The following PACSIN2 variants were observed in gnomAD, a reference collection of about 807,000 sequenced individuals.
PACSIN2 encodes the protein protein kinase C and casein kinase substrate in neurons 2.
In PACSIN2, 25 loss-of-function variants were observed where a neutral mutation model predicts 63.8. The observed-to-expected ratio is 0.39, with a 90% CI of 0.29 to 0.55. The LOEUF (loss-of-function observed/expected upper bound fraction) is 0.55, where lower values mean the gene tolerates loss of function less well. Among genes scored for constraint, PACSIN2 ranks in the 20% least tolerant of loss-of-function variants. PACSIN2 has a pLI of 0.62. For synonymous variants in PACSIN2, 255 were observed against 256.2 expected, an observed-to-expected ratio of 1.00 and a Z score of 0.05; for missense variants, 518 against 646.9, an observed-to-expected ratio of 0.80 and a Z score of 2.16.
chr22:42,980,014 G>A (rs1052546817), intron 1 of PACSIN2, among the ~76,000 whole-genome samples: 3 of 151,516 alleles, frequency 2.0e-5, no homozygotes, highest in Non-Finnish European at 4.4e-5. Flanking sequence ...TGAAATAAGC[G>A]CATCATTGTT....
intron 1 of PACSIN2, among the ~76,000 whole-genome samples, chr22:43,000,543 G>GC (rs975143943): frequency 3.3e-5 from 5 of 152,166 alleles, no homozygotes; most frequent in African/African-American, 1.2e-4. Context: ...TCGTGAACCT[G>GC]CAAGTTCCTA....
rs554984150 is a variant in PACSIN2 at position 42,972,816 on chromosome 22, C to A, written c.-78+42205G>T. ...GGCTGAAGCCATGTTCCCGCCTCAGCCTCCTGTGTACCTGGATTACAGATG... is the reference window on the plus strand; with the variant it reads ...GGCTGAAGCCATGTTCCCGCCTCAGACTCCTGTGTACCTGGATTACAGATG... On this transcript the variant is annotated intron_variant, in intron 1 of 10. Coordinates refer to ENST00000263246, the MANE Select transcript of PACSIN2 (RefSeq NM_001184970.3). Among the ~76,000 whole-genome samples the A allele has an allele frequency of 3.9e-5, 6 of 152,312 alleles. No homozygotes were observed. In the East Asian group the frequency reaches 1.2e-3, roughly 29 times the overall value.
At chr22:42,936,843 G>T (rs777579128) in intron 1 of PACSIN2, among the ~76,000 whole-genome samples, 1 of 149,880 alleles carries the variant, frequency 6.7e-6, no homozygotes, top group African/African-American at 2.5e-5. Context: ...CCCGCGAGAC[G>T]GAGGTTGCAG....
At chr22:42,903,375 T>C (rs548514458) in intron 2 of PACSIN2, among the ~76,000 whole-genome samples, 23 of 152,334 alleles carry the variant, frequency 1.5e-4, no homozygotes, top group Non-Finnish European at 2.6e-4. Flanking sequence ...TGAATCTTCC[T>C]TTCCAAACGG....
intron 7 of PACSIN2, among the ~76,000 whole-genome samples, chr22:42,881,382 C>A (rs1393088189): frequency 2.0e-5 from 3 of 152,222 alleles, no homozygotes; most frequent in Non-Finnish European, 4.4e-5. Flanking sequence ...GTTTGCTCAG[C>A]TTCCCACAGG....
At chr22:42,998,420 A>G (rs1407900171) in intron 1 of PACSIN2, among the ~76,000 whole-genome samples, 1 of 152,202 alleles carries the variant, frequency 6.6e-6, no homozygotes, top group East Asian at 1.9e-4. Context: ...ACTCGCACAG[A>G]TGCCAGACAG....
intron 2 of PACSIN2, among the ~76,000 whole-genome samples, chr22:42,909,004 A>G (rs1459944100): frequency 1.3e-5 from 2 of 151,932 alleles, no homozygotes; most frequent in Non-Finnish European, 2.9e-5. Flanking sequence ...GGGTTGGGGG[A>G]ATGCAGGAGG....
intron 1 of PACSIN2, among the ~76,000 whole-genome samples, chr22:42,916,208 G>GCTCC (rs1931795582): frequency 6.6e-6 from 1 of 152,208 alleles, no homozygotes; most frequent in Non-Finnish European, 1.5e-5. Flanking sequence ...CTCAATGGGA[G>GCTCC]CATTGTTCTT....
At chr22:42,971,569 C>CA (rs1921272538) in intron 1 of PACSIN2, among the ~76,000 whole-genome samples, 1 of 152,088 alleles carries the variant, frequency 6.6e-6, no homozygotes, top group Non-Finnish European at 1.5e-5. Context: ...TGAGGAGCCC[C>CA]TCTGCCCGGC....
At position 42,901,159 on chromosome 22, in the gene PACSIN2, C is replaced by T. The variant is rs1930657673; in HGVS notation, c.61-7546G>A. On this transcript the variant is annotated intron_variant, in intron 2 of 10. Coordinates refer to ENST00000263246, the MANE Select transcript of PACSIN2 (RefSeq NM_001184970.3). The stretch of plus-strand genomic sequence containing the variant: ...GAAGGCCCAAGCACCACAACCGCTC[C>T]CTCTGCACCCTGGAGAGGAAGGGTC... 2.0e-5 allele frequency among the ~76,000 whole-genome samples: 3 copies of T among 152,292 alleles called. No individual in the cohort carries two copies. In the South Asian group the frequency reaches 6.2e-4, roughly 32 times the overall value.
intron 1 of PACSIN2, among the ~76,000 whole-genome samples, chr22:42,969,394 G>A (rs772359272): frequency 2.0e-5 from 3 of 152,080 alleles, no homozygotes; most frequent in Admixed American, 6.5e-5. Flanking sequence ...TTTTCTCCCT[G>A]AAAGATGTTA....
intron 1 of PACSIN2, among the ~76,000 whole-genome samples, chr22:42,976,253 C>G (rs1172423050): frequency 6.6e-6 from 1 of 152,242 alleles, no homozygotes; most frequent in African/African-American, 2.4e-5. Context: ...TGCCTCCAGG[C>G]TTATCACTTT....
At chr22:42,960,391 C>G (rs994562447) in intron 1 of PACSIN2, among the ~76,000 whole-genome samples, 28 of 152,168 alleles carry the variant, frequency 1.8e-4, no homozygotes, top group African/African-American at 6.8e-4. Context: ...AAGCCTCATG[C>G]AGGAGACAGG....
chr22:42,990,543 A>AG lies in PACSIN2; in HGVS notation c.-78+24477dup, dbSNP rs151081597. ...GCAGGCCCAGGGGCAAAACACCTGGAGGGAGGGGAAGGTGAAATTAGAGCC... is the reference window on the plus strand; with the variant it reads ...GCAGGCCCAGGGGCAAAACACCTGGAGGGGAGGGGAAGGTGAAATTAGAGCC... On this transcript the variant is annotated intron_variant, in intron 1 of 10. Coordinates refer to ENST00000263246, the MANE Select transcript of PACSIN2 (RefSeq NM_001184970.3). Among the ~76,000 whole-genome samples, 649 of 152,274 alleles carry AG rather than the reference A, an allele frequency of 4.3e-3. 3 individuals are homozygous for AG. Among genetic ancestry groups the AG allele is most frequent in the African/African-American group, 0.015 (613 of 41,562 alleles).
intron 8 of PACSIN2, among the ~76,000 whole-genome samples, 157 bp from the exon 9 acceptor site, chr22:42,877,167 C>T (rs1053680928): frequency 6.6e-6 from 1 of 152,104 alleles, no homozygotes; most frequent in Admixed American, 6.5e-5. Flanking sequence ...TGGCAGAATG[C>T]GGGCAATACT....
chr22:42,894,876 T>C (rs546662688), intron 2 of PACSIN2, among the ~76,000 whole-genome samples: 2 of 152,272 alleles, frequency 1.3e-5, no homozygotes, highest in Admixed American at 1.3e-4. Context: ...TTGTCAGTTT[T>C]ACCTTTTCTA....
chr22:42,952,543 G>A (rs1350946001), intron 1 of PACSIN2, among the ~76,000 whole-genome samples: 1 of 151,874 alleles, frequency 6.6e-6, no homozygotes, highest in East Asian at 1.9e-4. Context: ...TGTATTTTTA[G>A]TAGAGACGGG....
At chr22:42,908,518 T>C (rs1425656856) in intron 2 of PACSIN2, among the ~76,000 whole-genome samples, 1 of 152,212 alleles carries the variant, frequency 6.6e-6, no homozygotes, top group Admixed American at 6.5e-5. Flanking sequence ...GGAGGGCCCC[T>C]GGGCTCCTGC....
chr22:42,955,246 C>G (rs1933864464), intron 1 of PACSIN2, among the ~76,000 whole-genome samples: 1 of 152,158 alleles, frequency 6.6e-6, no homozygotes, highest in Admixed American at 6.5e-5. Flanking sequence ...CTGATGTGAA[C>G]TGCGTGGACA....
Sources: gnomAD v4.1 joint callset for allele counts (sites outside exome capture counted in the v4.1 genomes callset) on GRCh38, gnomAD v4.1.1 for gene constraint, MANE v1.5 for transcripts, NCBI Gene and HGNC (gene_info 2026-07-23, HGNC 2026-07-21) for gene names.